The following MAEL variants were observed in gnomAD, a reference collection of about 807,000 sequenced individuals.
MAEL encodes the protein protein maelstrom homolog.
In MAEL, 46 loss-of-function variants were observed where a neutral mutation model predicts 62.0. The observed-to-expected ratio is 0.74, with a 90% CI of 0.59 to 0.95. The LOEUF (loss-of-function observed/expected upper bound fraction) is 0.95. Ranked by LOEUF, MAEL falls within the 40% of genes least tolerant of loss-of-function variation. MAEL has a pLI of 0.00. For missense variants in MAEL, 497 were observed against 526.8 expected, an observed-to-expected ratio of 0.94 and a Z score of 0.55; for synonymous variants, 172 against 175.5, an observed-to-expected ratio of 0.98 and a Z score of 0.16.
chr1:166,980,090 C>T (rs1414498009), intron 1 of MAEL, among the ~76,000 whole-genome samples: 1 of 152,158 alleles, frequency 6.6e-6, no homozygotes, highest in Non-Finnish European at 1.5e-5. Context: ...CATCGTAGCT[C>T]ACTGCAACCT....
intron 10 of MAEL, among the ~76,000 whole-genome samples, chr1:167,019,272 CATT>C (rs1665521226): frequency 6.6e-6 from 1 of 152,180 alleles, no homozygotes; most frequent in South Asian, 2.1e-4. Context: ...CCTAAAATAT[CATT>C]AGTGCCCAGG....
chr1:166,988,444 G>T (rs1009887179), upstream of MAEL, among the ~76,000 whole-genome samples: 7 of 150,536 alleles, frequency 4.7e-5, no homozygotes, highest in African/African-American at 1.7e-4. Flanking sequence ...TGCCATTCTT[G>T]ATTTTAAAAC....
At chr1:166,993,286 A>G (rs1477142357) in intron 4 of MAEL, among the ~76,000 whole-genome samples, 6 of 152,194 alleles carry the variant, frequency 3.9e-5, no homozygotes, top group African/African-American at 1.4e-4. Context: ...GATAATATCT[A>G]TTGGAGGATT....
chr1:166,994,030 G>A lies in MAEL; in HGVS notation c.484G>A (p.Glu162Lys). 1 of 1,612,788 alleles carries A rather than the reference G, an allele frequency of 6.2e-7. No homozygotes were observed. Residue 162 changes from glutamate (E) to lysine (K), a missense_variant and splice_region_variant, in exon 5 of 12, where the codon GAA (glutamate) becomes AAA (lysine). By Grantham distance (56) the Glu-to-Lys change is moderately conservative (BLOSUM62 1). Coordinates refer to ENST00000367872, the MANE Select transcript of MAEL (RefSeq NM_032858.3). ...ADFHSFINPG[E>K]IPRGFRFHCQ... ...CAACAAGATATTTTGTATTATAGGT[G>A]AAATTCCACGAGGATTTCGATTTCA...
chr1:166,998,889 A>G (rs756533935), intron 5 of MAEL, among the ~76,000 whole-genome samples: 10 of 152,102 alleles, frequency 6.6e-5, no homozygotes, highest in South Asian at 2.1e-4. Flanking sequence ...CATGTTTGCT[A>G]TGGTGATCTG....
rs531895560 is a variant in MAEL at position 166,981,509 on chromosome 1, G to C, written c.-121+5843G>C. On this transcript the variant is annotated intron_variant, in intron 1 of 12. Coordinates refer to the MAEL transcript ENST00000622874. The stretch of plus-strand genomic sequence containing the variant: ...TGTGTGTAGAGAGGGAGGGAGGGAG[G>C]CAAATATGTGGTCTTTATGATGGTG... Among the ~76,000 whole-genome samples the C allele has an allele frequency of 5.5e-3, 831 of 152,044 alleles. 7 individuals are homozygous for C. Among genetic ancestry groups the C allele is most frequent in the African/African-American group, 0.019 (791 of 41,464 alleles).
At chr1:167,015,845 A>G (rs1665366301) in intron 8 of MAEL, among the ~76,000 whole-genome samples, 1 of 152,162 alleles carries the variant, frequency 6.6e-6, no homozygotes, top group African/African-American at 2.4e-5. Context: ...CCCTCTAGAA[A>G]GTAAGTTTTG....
chr1:167,000,234 T>G (rs1359699079), intron 5 of MAEL, among the ~76,000 whole-genome samples: 4 of 152,188 alleles, frequency 2.6e-5, no homozygotes, highest in African/African-American at 9.7e-5. Context: ...GATTCACCAT[T>G]CTAGATGCCA....
upstream of MAEL, among the ~76,000 whole-genome samples, chr1:166,984,629 G>T (rs6695609): frequency 0.17 from 26,282 of 151,984 alleles, 2,422 homozygotes; most frequent in East Asian, 0.24. Flanking sequence ...CCTTACAATG[G>T]TCATGGTCAA....
intron 6 of MAEL, 40 bp from the exon 7 acceptor site, chr1:167,005,036 T>A: frequency 2.5e-6 from 4 of 1,590,108 alleles, no homozygotes; most frequent in Non-Finnish European, 3.4e-6. Flanking sequence ...AAGATACAAG[T>A]AGTTTTTTTG....
At chr1:166,984,614 G>A (rs1353820529), upstream of MAEL, among the ~76,000 whole-genome samples, 6 of 151,834 alleles carry the variant, frequency 4.0e-5, no homozygotes, top group Admixed American at 3.9e-4. Flanking sequence ...AGCAATACTC[G>A]AACCCCTTAC....
chr1:166,985,608 A>T (rs1663889873), upstream of MAEL, among the ~76,000 whole-genome samples: 1 of 152,236 alleles, frequency 6.6e-6, no homozygotes, highest in East Asian at 1.9e-4. Context: ...TCTGATCTCA[A>T]ATAACAAAGC....
In MAEL at chr1:166,991,323, G is replaced by T. The variant is rs1019433220; in HGVS notation, c.226-55G>T. ...GTTATTTAGCTAAATTTTAATGTAT[G>T]GTCTAAAAGTGCCCAGCAAGAGTTT... On this transcript the variant is annotated intron_variant, in intron 2 of 11. Transcript: ENST00000367872. 3.7e-5 allele frequency: 40 copies of T among 1,084,062 alleles called. No individual in the cohort carries two copies. In the Admixed American group the frequency reaches 6.8e-4, roughly 18 times the overall value. The allele number at this position is 1,084,062 out of a possible 1,614,324, so 67.2% of individuals were successfully genotyped here.
At chr1:167,004,900 A>G (rs889609731) in intron 6 of MAEL, among the ~76,000 whole-genome samples, 176 bp from the exon 7 acceptor site, 1 of 152,096 alleles carries the variant, frequency 6.6e-6, no homozygotes. Context: ...AGTCTTTTCT[A>G]ATATATGTCA....
chr1:167,007,644 C>T (rs1209232738), intron 8 of MAEL, among the ~76,000 whole-genome samples: 1 of 151,512 alleles, frequency 6.6e-6, no homozygotes, highest in African/African-American at 2.4e-5. Context: ...CTAGGTCTCT[C>T]AATCTTTTTA....
In MAEL at chr1:166,992,700, AT is replaced by A; in HGVS notation, c.346del (p.Tyr116IlefsTer3). 3.8e-6 allele frequency: 6 copies of A among 1,589,638 alleles called. No individual in the cohort carries two copies. Among genetic ancestry groups the A allele is most frequent in the African/African-American group, 2.7e-5 (2 of 73,142 alleles). On this transcript the variant is annotated frameshift_variant, in exon 4 of 12. Transcript: ENST00000367872. LOFTEE classifies it high-confidence loss of function. Reference sequence around the variant, plus strand: ...TTTTTTTTTAGCTCTCCTTGGAGGCATTTTTTATTTTTTGAACATTTTTAGC... The same window carrying A: ...TTTTTTTTTAGCTCTCCTTGGAGGCATTTTTATTTTTTGAACATTTTTAGC... ...LKGDQALLGG[I>X]FYFLNIFSHG... is the part of the protein sequence containing the mutation.
Position 167,017,958 on chromosome 1 carries a change from A to G in MAEL, c.1040A>G (p.Gln347Arg). 6.2e-7 allele frequency: 1 copy of G among 1,612,710 alleles called. No homozygotes were observed. Among genetic ancestry groups the G allele is most frequent in the Non-Finnish European group, 8.5e-7 (1 of 1,179,176 alleles). Residue 347 changes from glutamine to arginine, a missense_variant and splice_region_variant, in exon 10 of 12, where the codon CAG (glutamine) becomes CGG (arginine). Coordinates refer to ENST00000367872, the MANE Select transcript of MAEL (RefSeq NM_032858.3). ...GTTGTATTGGATGCAGGGCGTTACC[A>G]GGTAAGGAACTGACTTTTAAGAGCT... Reference protein sequence around the residue: ...KMVVLDAGRYQKLRVGSSGFS... With the variant: ...KMVVLDAGRYRKLRVGSSGFS...
chr1:167,010,464 T>A (rs1241624059), intron 8 of MAEL, among the ~76,000 whole-genome samples: 2 of 152,078 alleles, frequency 1.3e-5, no homozygotes, highest in African/African-American at 4.8e-5. Context: ...TTCTTTTTTT[T>A]AAAGAGAGTC....
chr1:166,979,313 T>C lies in MAEL; in HGVS notation c.-121+3647T>C, dbSNP rs149951645. ...CTCTTGCTACCTTTTGGGTTTGTTATCTTTCCCATCCTCCATACCTTCAAA... is the reference window on the plus strand; with the variant it reads ...CTCTTGCTACCTTTTGGGTTTGTTACCTTTCCCATCCTCCATACCTTCAAA... On this transcript the variant is annotated intron_variant, in intron 1 of 12. Coordinates refer to the MAEL transcript ENST00000622874. Among the ~76,000 whole-genome samples the C allele has an allele frequency of 2.0e-3, 297 of 152,130 alleles. 1 individual carries two copies. The highest frequency in any genetic ancestry group is 4.4e-3 in the Admixed American group (68 of 15,282).
Sources: gnomAD v4.1 joint callset for allele counts (sites outside exome capture counted in the v4.1 genomes callset) on GRCh38, gnomAD v4.1.1 for gene constraint, MANE v1.5 for transcripts, NCBI Gene and HGNC (gene_info 2026-07-23, HGNC 2026-07-21) for gene names.